Variants in RASSF3 observed in about 807,000 individuals in gnomAD.
RASSF3 encodes the protein Ras association domain family member 3.
A neutral mutation model predicts 19.9 loss-of-function variants in RASSF3; 19 were observed. That is an observed-to-expected ratio of 0.96 (90% CI 0.67 to 1.40). The LOEUF is 1.40. Ranked by LOEUF, RASSF3 falls within the 40% of genes most tolerant of loss-of-function variation. RASSF3 has a pLI of 0.00. For synonymous variants in RASSF3, 110 were observed against 104.2 expected (o/e 1.06, Z -0.34); for missense variants, 306 against 289.8 (o/e 1.06, Z -0.41).
intron 1 of RASSF3, among the ~76,000 whole-genome samples, chr12:64,642,813 A>G (rs958782890): frequency 1.3e-5 from 2 of 151,158 alleles, no homozygotes; most frequent in African/African-American, 4.9e-5. Context: ...GTGAATTCTG[A>G]TAGTTGTGCT....
intron 1 of RASSF3, among the ~76,000 whole-genome samples, chr12:64,675,698 A>G (rs1872873274): frequency 6.6e-6 from 1 of 152,124 alleles, no homozygotes; most frequent in South Asian, 2.1e-4. Flanking sequence ...ACCCTGAGAT[A>G]ACAGTGATGC....
intron 2 of RASSF3, among the ~76,000 whole-genome samples, chr12:64,686,711 C>T (rs937708854): frequency 6.6e-6 from 1 of 152,160 alleles, no homozygotes; most frequent in Non-Finnish European, 1.5e-5. Context: ...CCTGCAGTCC[C>T]AGCTACTCAG....
intron 1 of RASSF3, among the ~76,000 whole-genome samples, chr12:64,631,020 G>T (rs892496307): frequency 1.3e-5 from 2 of 152,184 alleles, no homozygotes; most frequent in African/African-American, 4.8e-5. Context: ...AGGTAGACCT[G>T]GTCTGCAGAG....
chr12:64,513,374 C>G (rs954820927), intron 1 of RASSF3, among the ~76,000 whole-genome samples: 13 of 150,908 alleles, frequency 8.6e-5, no homozygotes, highest in African/African-American at 3.2e-4. Flanking sequence ...TGCTTGAACC[C>G]AGGAGGTGAA....
rs113402529 is a variant in RASSF3 at position 64,525,153 on chromosome 12, G to C, written c.170-16428G>C. 6.1e-3 allele frequency among the ~76,000 whole-genome samples: 931 copies of C among 152,202 alleles called. 10 individuals are homozygous for C. The highest frequency in any genetic ancestry group is 0.021 in the African/African-American group (876 of 41,518). On this transcript the variant is annotated intron_variant, in intron 1 of 5. Coordinates refer to the RASSF3 transcript ENST00000637125. Reference sequence around the variant, plus strand: ...TAGCCAGGCGTGGTGGCGTGTGCCTGTCACCCCAGCTACTCGGGAGGCTGA... The same window carrying C: ...TAGCCAGGCGTGGTGGCGTGTGCCTCTCACCCCAGCTACTCGGGAGGCTGA...
chr12:64,645,972 A>G (rs1269080131), intron 1 of RASSF3, among the ~76,000 whole-genome samples: 1 of 152,218 alleles, frequency 6.6e-6, no homozygotes, highest in Non-Finnish European at 1.5e-5. Flanking sequence ...TGAACTTCAT[A>G]TAAGTAAAAT....
Position 64,644,789 on chromosome 12 carries a change from A to G in RASSF3, c.111+34046A>G, listed in dbSNP as rs372790903. On this transcript the variant is annotated intron_variant, in intron 1 of 4. Transcript: ENST00000542104. ...TTAAGTAGAATGTCCTCAGATACAT[A>G]TGCCATGTTTATCCTGTTACTTCCA... 3.2e-4 allele frequency among the ~76,000 whole-genome samples: 48 copies of G among 152,342 alleles called. 1 individual carries two copies. Among genetic ancestry groups the G allele is most frequent in the African/African-American group, 9.4e-4 (39 of 41,574 alleles).
chr12:64,568,908 C>T (rs987474519), intron 2 of RASSF3, among the ~76,000 whole-genome samples: 10 of 152,164 alleles, frequency 6.6e-5, no homozygotes, highest in African/African-American at 2.4e-4. Context: ...GACAGGGTTT[C>T]ACCATGTTAG....
Position 64,541,591 on chromosome 12 carries a change from T to C in RASSF3, c.78T>C (p.Tyr26=), listed in dbSNP as rs184922589. The C allele has an allele frequency of 3.5e-5, 14 of 398,602 alleles. No individual in the cohort carries two copies. The Admixed American group carries it at 4.4e-4, about 13-fold the overall frequency. 24.7% of individuals were successfully genotyped at this position (398,602 alleles called of 1,614,324 possible). Residue 26 remains tyrosine (Y), a synonymous_variant, in exon 2 of 2, where the codon TAT becomes TAC. Coordinates refer to the RASSF3 transcript ENST00000636333. ...TGCTTTCTCTTTCAGAGGGTAAATA[T>C]ATATGTCATGCTCACTGCCGAGACC... is the stretch of plus-strand genomic sequence containing the variant.
intron 1 of RASSF3, chr12:64,507,604 G>A (rs1040144113): frequency 7.7e-6 from 2 of 258,394 alleles, no homozygotes; most frequent in African/African-American, 4.4e-5. Context: ...ACTAAAGAGA[G>A]ATGGAGAATG....
At chr12:64,694,382 G>A (rs1868325696) in intron 4 of RASSF3, among the ~76,000 whole-genome samples, 2 of 152,202 alleles carry the variant, frequency 1.3e-5, no homozygotes, top group South Asian at 2.1e-4. Context: ...CTGATTATGC[G>A]AGGTAAGAAA....
intron 1 of RASSF3, among the ~76,000 whole-genome samples, chr12:64,613,933 G>T (rs1468962100): frequency 6.6e-6 from 1 of 152,086 alleles, no homozygotes; most frequent in Non-Finnish European, 1.5e-5. Flanking sequence ...GGGCAACAGA[G>T]CGAGACCCTG....
At chr12:64,663,653 AT>A (rs1232051230) in intron 1 of RASSF3, among the ~76,000 whole-genome samples, 11 of 151,860 alleles carry the variant, frequency 7.2e-5, no homozygotes, top group African/African-American at 2.4e-4. Context: ...CTACAGGCAC[AT>A]GCCACCATGC....
chr12:64,590,141 G>A (rs1488294710), intron 2 of RASSF3, among the ~76,000 whole-genome samples: 2 of 151,704 alleles, frequency 1.3e-5, no homozygotes, highest in African/African-American at 2.4e-5. Context: ...GGAGGTTCAG[G>A]TAGGAGGATC....
intron 2 of RASSF3, among the ~76,000 whole-genome samples, chr12:64,582,336 C>T (rs1565843128): frequency 6.6e-6 from 1 of 152,202 alleles, no homozygotes; most frequent in Non-Finnish European, 1.5e-5. Flanking sequence ...AGAAACTTTG[C>T]TGACAGCACC....
intron 2 of RASSF3, among the ~76,000 whole-genome samples, chr12:64,589,358 G>A (rs1285129890): frequency 1.3e-5 from 2 of 152,214 alleles, no homozygotes; most frequent in African/African-American, 4.8e-5. Flanking sequence ...GCTGAGGCAG[G>A]AGAACTGCTT....
intron 3 of RASSF3, among the ~76,000 whole-genome samples, chr12:64,689,696 A>ATG (rs760585253): frequency 6.6e-6 from 1 of 150,664 alleles, no homozygotes; most frequent in Admixed American, 6.6e-5. Flanking sequence ...ATGTCACTGT[A>ATG]TGTGTGTGTC....
intron 2 of RASSF3, among the ~76,000 whole-genome samples, chr12:64,591,240 G>T (rs1352019865): frequency 7.2e-5 from 11 of 152,098 alleles, no homozygotes. Context: ...ACTTTGGGAG[G>T]CCGAGGCAGG....
At chr12:64,675,060 G>GA (rs1872846109) in intron 1 of RASSF3, among the ~76,000 whole-genome samples, 1 of 42,716 alleles carries the variant, frequency 2.3e-5, no homozygotes, top group Admixed American at 2.8e-4. Flanking sequence ...CCCCCCCCCC[G>GA]CCACCCCGGC....
Sources: allele counts gnomAD v4.1 joint callset (sites outside exome capture counted in the v4.1 genomes callset), GRCh38; gene constraint gnomAD v4.1.1; transcripts MANE v1.5; gene names NCBI Gene and HGNC (gene_info 2026-07-23, HGNC 2026-07-21).